BCAS3: variants seen among roughly 807,000 people sequenced by gnomAD.
BCAS3 encodes the protein BCAS3 microtubule associated cell migration factor.
Under a neutral mutation model 116.1 loss-of-function variants are expected in BCAS3, and 53 were observed. That is an observed-to-expected ratio of 0.46 (90% CI 0.37 to 0.57). BCAS3 has a LOEUF of 0.57. BCAS3 is among the 20% of genes least tolerant of loss of function. The pLI is 0.00. For missense variants in BCAS3, 917 were observed against 1,165.4 expected (o/e 0.79, Z 3.10); for synonymous variants, 391 against 408.2 (o/e 0.96, Z 0.51).
At chr17:61,114,946 A>G (rs550906815) in intron 22 of BCAS3, among the ~76,000 whole-genome samples, 1 of 152,206 alleles carries the variant, frequency 6.6e-6, no homozygotes, top group South Asian at 2.1e-4. Flanking sequence ...CATATCTACA[A>G]CTATCTGATC....
intron 12 of BCAS3, among the ~76,000 whole-genome samples, chr17:60,911,123 C>CTTTTTTTTTTTTTTTTTTTTTTTT (rs1162942971): frequency 5.7e-5 from 5 of 88,270 alleles, no homozygotes; most frequent in Admixed American, 1.8e-4. Context: ...TTTTTTCTTT[C>CTTTTTTTTTTTTTTTTTTTTTTTT]TTTTTTTTTT....
rs888692333 is a variant in BCAS3, at chr17:61,319,118, C to T, written c.2426-49209C>T. 8.0e-4 allele frequency among the ~76,000 whole-genome samples: 122 copies of T among 152,226 alleles called. 1 individual carries two copies. The highest frequency in any genetic ancestry group is 2.7e-3 in the African/African-American group (110 of 41,450). The stretch of plus-strand genomic sequence containing the variant: ...CTGTGATTCCAAGATTGGGAGAATG[C>T]ACAGTTACTCGCAACTCCTTTTTCT... On this transcript the variant is annotated intron_variant, in intron 22 of 23. Coordinates refer to ENST00000407086, the MANE Select transcript of BCAS3 (RefSeq NM_017679.5).
At position 61,390,968 on chromosome 17, in the gene BCAS3, G is replaced by A. The variant is rs2060102517; in HGVS notation, c.2594-1009G>A. The stretch of plus-strand genomic sequence containing the variant: ...GCAGGCTCCAGAGACTGCCCGGTGT[G>A]TGTGTGCCCATATGTCAGAGCCCCC... On this transcript the variant is annotated intron_variant, in intron 23 of 23. Transcript: ENST00000407086. The surrounding 1 kb of genome is among the most constrained non-coding windows in gnomAD (Gnocchi z 6.8). 6.6e-6 allele frequency: 1 copy of A among 152,244 alleles called. No individual in the cohort carries two copies. Among genetic ancestry groups the A allele is most frequent in the Non-Finnish European group, 1.5e-5 (1 of 68,058 alleles). The allele number at this position is 152,244 out of a possible 1,614,324, so 9.4% of individuals were successfully genotyped here.
chr17:60,874,904 T>C (rs945482488), intron 9 of BCAS3, among the ~76,000 whole-genome samples, 166 bp downstream of exon 9: 41 of 152,174 alleles, frequency 2.7e-4, no homozygotes, highest in Non-Finnish European at 4.4e-4. Context: ...TCTTGTATGA[T>C]ATATATTTTC....
intron 2 of BCAS3, among the ~76,000 whole-genome samples, chr17:60,681,212 A>G (rs890343692): frequency 2.0e-5 from 3 of 152,078 alleles, no homozygotes; most frequent in Admixed American, 2.0e-4. Context: ...CTTAAAAAAA[A>G]TATATGTCTG....
chr17:60,950,327 G>T (rs1851641774), intron 14 of BCAS3, among the ~76,000 whole-genome samples: 1 of 152,106 alleles, frequency 6.6e-6, no homozygotes, highest in African/African-American at 2.4e-5. Context: ...GATTATAAGA[G>T]ACTTAAAATA....
chr17:60,709,367 G>C, intron 5 of BCAS3, 42 bp downstream of exon 5: 1 of 1,183,904 alleles, frequency 8.4e-7, no homozygotes, highest in South Asian at 1.3e-5. Flanking sequence ...ATACTTCCCA[G>C]CATGTTAGCT....
intron 22 of BCAS3, among the ~76,000 whole-genome samples, chr17:61,360,299 C>G (rs1391322486): frequency 1.3e-5 from 2 of 152,176 alleles, no homozygotes; most frequent in East Asian, 3.9e-4. Context: ...GCCACTATGC[C>G]CAACCAACTT....
At chr17:60,773,915 G>T (rs1221991582) in intron 6 of BCAS3, among the ~76,000 whole-genome samples, 1 of 152,148 alleles carries the variant, frequency 6.6e-6, no homozygotes, top group Non-Finnish European at 1.5e-5. Context: ...CCAAAATGTT[G>T]GATTTACAGG....
chr17:60,808,633 C>T (rs768698284), intron 7 of BCAS3, among the ~76,000 whole-genome samples: 14 of 152,104 alleles, frequency 9.2e-5, no homozygotes, highest in African/African-American at 1.7e-4. Context: ...GTAAATTTTT[C>T]GATTGAAGAA....
At chr17:61,146,397 G>A (rs1389323936) in intron 22 of BCAS3, among the ~76,000 whole-genome samples, 1 of 151,818 alleles carries the variant, frequency 6.6e-6, no homozygotes, top group Non-Finnish European at 1.5e-5. Context: ...GATTACAGGT[G>A]TGAGCCACTG....
rs2076503172 is a variant in BCAS3 at position 61,134,326 on chromosome 17, C to G, written c.2425+49762C>G. On this transcript the variant is annotated intron_variant, in intron 22 of 23. Coordinates refer to ENST00000407086, the MANE Select transcript of BCAS3 (RefSeq NM_017679.5). The surrounding 1 kb of genome is among the most constrained non-coding windows in gnomAD (Gnocchi z 4.6). ...TGTGCTCAGACTTTATGAGCATTGTCTCATTTTTCATCGTTTTATAAATTA... is the reference window on the plus strand; with the variant it reads ...TGTGCTCAGACTTTATGAGCATTGTGTCATTTTTCATCGTTTTATAAATTA... Among the ~76,000 whole-genome samples the G allele has an allele frequency of 6.6e-6, 1 of 152,100 alleles. No homozygotes were observed. The highest frequency in any genetic ancestry group is 1.5e-5 in the Non-Finnish European group (1 of 68,028).
At chr17:61,093,428 A>C (rs1439800029) in intron 22 of BCAS3, among the ~76,000 whole-genome samples, 1 of 152,122 alleles carries the variant, frequency 6.6e-6, no homozygotes, top group Non-Finnish European at 1.5e-5. Context: ...CTGTACAAAA[A>C]GTACAAAAAT....
Position 61,132,029 on chromosome 17 carries a change from G to A in BCAS3, c.2425+47465G>A, listed in dbSNP as rs143778445. Among the ~76,000 whole-genome samples the A allele has an allele frequency of 3.2e-3, 483 of 152,236 alleles. 3 individuals carry two copies. The highest frequency in any genetic ancestry group is 0.011 in the African/African-American group (463 of 41,544). ...ATTAACCCCTGGCAGATACCTCACC[G>A]TGTTCTCCTTATAGCCACTCTGTCC... On this transcript the variant is annotated intron_variant, in intron 22 of 23. Coordinates refer to ENST00000407086, the MANE Select transcript of BCAS3 (RefSeq NM_017679.5). The surrounding 1 kb of genome is among the most constrained non-coding windows in gnomAD (Gnocchi z 5.1).
At chr17:61,157,604 C>T (rs1400308274) in intron 22 of BCAS3, 4 of 136,700 alleles carry the variant, frequency 2.9e-5, no homozygotes, top group Admixed American at 1.4e-4. Context: ...CTCTCTTCCC[C>T]CCCACCCGCC....
chr17:60,706,300 G>A (rs769668305), intron 4 of BCAS3, among the ~76,000 whole-genome samples: 2 of 151,978 alleles, frequency 1.3e-5, no homozygotes, highest in Non-Finnish European at 1.5e-5. Flanking sequence ...CTGAACTCAG[G>A]TGATCTACCC....
In BCAS3 at chr17:60,995,234, C is replaced by A. The variant is rs1326909364; in HGVS notation, c.1486+4999C>A. ...GTGGTGCAATCTTGGCTTGCTGCAA[C>A]CTCCACCTCCCGGGTTCAAGTGATT... On this transcript the variant is annotated intron_variant, in intron 15 of 23. Coordinates refer to ENST00000407086, the MANE Select transcript of BCAS3 (RefSeq NM_017679.5). This position sits in a 1 kb window ranked among gnomAD's most constrained non-coding sequence, Gnocchi z 4.7. Among the ~76,000 whole-genome samples the A allele has an allele frequency of 6.6e-6, 1 of 151,986 alleles. No homozygotes were observed. Among genetic ancestry groups the A allele is most frequent in the African/African-American group, 2.4e-5 (1 of 41,364 alleles).
At chr17:61,057,345 T>A (rs770225415) in intron 19 of BCAS3, among the ~76,000 whole-genome samples, 3 of 152,206 alleles carry the variant, frequency 2.0e-5, no homozygotes, top group Non-Finnish European at 4.4e-5. Context: ...GTTCATTGAT[T>A]TCCCAGATAA....
At chr17:60,875,407 A>G (rs984011141) in intron 9 of BCAS3, among the ~76,000 whole-genome samples, 36 of 152,116 alleles carry the variant, frequency 2.4e-4, no homozygotes, top group Admixed American at 2.0e-3. Context: ...AAATGTAAAC[A>G]CATAAAGCCT....
Sources: gnomAD v4.1 joint callset for allele counts (sites outside exome capture counted in the v4.1 genomes callset) on GRCh38, gnomAD v4.1.1 for gene constraint, Gnocchi (gnomAD v3.1) non-coding constraint, MANE v1.5 for transcripts, NCBI Gene and HGNC (gene_info 2026-07-23, HGNC 2026-07-21) for gene names.